The following BBS9 variants were observed in gnomAD, a reference collection of about 807,000 sequenced individuals.
BBS9 encodes protein PTHB1.
In BBS9, 89 loss-of-function variants were observed where a neutral mutation model predicts 117.7. That is an observed-to-expected ratio of 0.76 (90% confidence interval 0.64 to 0.90). BBS9 has a LOEUF of 0.90. Among genes scored for constraint, BBS9 ranks in the 40% least tolerant of loss-of-function variants. The pLI, the probability that BBS9 is intolerant of heterozygous loss-of-function variation, is 0.00. For synonymous variants in BBS9, 379 were observed against 370.9 expected, an observed-to-expected ratio of 1.02 and a Z score of -0.25; for missense variants, 982 against 1,042.2, an observed-to-expected ratio of 0.94 and a Z score of 0.80.
chr7:33,401,983 TTAAA>T (rs1407128073), intron 19 of BBS9, among the ~76,000 whole-genome samples: 2 of 152,186 alleles, frequency 1.3e-5, no homozygotes, highest in Non-Finnish European at 2.9e-5. Flanking sequence ...TTATATAGAG[TTAAA>T]TAAAACCTCT....
intron 15 of BBS9, among the ~76,000 whole-genome samples, chr7:33,353,716 G>A (rs1298720834): frequency 6.6e-6 from 1 of 152,010 alleles, no homozygotes; most frequent in Non-Finnish European, 1.5e-5. Flanking sequence ...ATGACTTAAA[G>A]ATTGTGGCAA....
intron 19 of BBS9, among the ~76,000 whole-genome samples, chr7:33,467,770 T>A (rs1840401289): frequency 6.6e-6 from 1 of 152,260 alleles, no homozygotes; most frequent in Middle Eastern, 3.4e-3. Context: ...GATCTTTTAG[T>A]GTGTAGAAAT....
chr7:33,168,268 A>T (rs1330419030), intron 4 of BBS9, among the ~76,000 whole-genome samples: 1 of 152,182 alleles, frequency 6.6e-6, no homozygotes, highest in African/African-American at 2.4e-5. Flanking sequence ...CTTGACCAAG[A>T]TAGGATCACA....
At chr7:33,198,441 A>G (rs1203452143) in intron 5 of BBS9, among the ~76,000 whole-genome samples, 3 of 152,142 alleles carry the variant, frequency 2.0e-5, no homozygotes, top group Non-Finnish European at 4.4e-5. Context: ...TTAACAATCT[A>G]TCATCTTTCA....
At chr7:33,400,211 TTC>T (rs1340863148) in intron 19 of BBS9, among the ~76,000 whole-genome samples, 6 of 139,376 alleles carry the variant, frequency 4.3e-5, no homozygotes, top group African/African-American at 1.6e-4. Context: ...TAAAATTTTG[TTC>T]TGTTTGTTGT....
intron 4 of BBS9, chr7:33,157,630 G>A (rs1794285678): frequency 6.6e-6 from 1 of 152,154 alleles, no homozygotes; most frequent in African/African-American, 2.4e-5. Context: ...CACAGGGGAA[G>A]CACAAACATT....
chr7:33,278,406 C>T lies in BBS9; in HGVS notation c.1016+4450C>T, dbSNP rs139160153. ...TTAATATTCTCACCCACAGTTTTAG[C>T]ATAGCACTTAAGTGAACCACAGACT... On this transcript the variant is annotated intron_variant, in intron 9 of 22. Coordinates refer to ENST00000242067, the MANE Select transcript of BBS9 (RefSeq NM_198428.3). Among the ~76,000 whole-genome samples the T allele has an allele frequency of 3.3e-3, 502 of 152,234 alleles. 2 individuals are homozygous for T. The highest frequency in any genetic ancestry group is 0.012 in the African/African-American group (481 of 41,530).
At chr7:33,214,798 A>G (rs551139306) in intron 5 of BBS9, among the ~76,000 whole-genome samples, 2 of 152,342 alleles carry the variant, frequency 1.3e-5, no homozygotes, top group African/African-American at 4.8e-5. Context: ...ACTTAGTTCA[A>G]TCCCTGTCAA....
At chr7:33,501,278 G>T (rs778994788) in intron 19 of BBS9, among the ~76,000 whole-genome samples, 23 of 152,162 alleles carry the variant, frequency 1.5e-4, no homozygotes, top group Non-Finnish European at 2.6e-4. Flanking sequence ...CTCTTGTGGG[G>T]AACACAGTAA....
intron 21 of BBS9, among the ~76,000 whole-genome samples, chr7:33,595,283 G>A (rs928053707): frequency 4.6e-5 from 7 of 152,088 alleles, no homozygotes; most frequent in Non-Finnish European, 1.0e-4. Flanking sequence ...GAAAATTTTT[G>A]CAATCTACCC....
At chr7:33,406,327 G>C (rs540955478) in intron 19 of BBS9, among the ~76,000 whole-genome samples, 12 of 152,268 alleles carry the variant, frequency 7.9e-5, no homozygotes, top group African/African-American at 2.4e-4. Flanking sequence ...TGTTGATTTG[G>C]GGTGGAGAGT....
In BBS9 at chr7:33,415,857, T is replaced by C. The variant is rs151229724; in HGVS notation, c.2115+27713T>C. ...AATTAAGAAAAAAAATTTTTTGAGA[T>C]AGGGTCTCATTCTGCCACCCAGGCT... On this transcript the variant is annotated intron_variant, in intron 19 of 22. Coordinates refer to ENST00000242067, the MANE Select transcript of BBS9 (RefSeq NM_198428.3). Among the ~76,000 whole-genome samples, 1,106 of 152,232 alleles carry C rather than the reference T, an allele frequency of 7.3e-3. 14 individuals are homozygous for C. Among genetic ancestry groups the C allele is most frequent in the African/African-American group, 0.024 (1,012 of 41,548 alleles).
At chr7:33,229,130 A>C (rs1471185741) in intron 5 of BBS9, among the ~76,000 whole-genome samples, 1 of 152,168 alleles carries the variant, frequency 6.6e-6, no homozygotes, top group African/African-American at 2.4e-5. Flanking sequence ...AAAGATTACT[A>C]TAGTGAAACA....
chr7:33,394,888 A>G (rs930187621), intron 19 of BBS9, among the ~76,000 whole-genome samples: 2 of 152,208 alleles, frequency 1.3e-5, no homozygotes, highest in African/African-American at 4.8e-5. Context: ...TATTGTTTAT[A>G]GAGGAAGAAC....
intron 4 of BBS9, among the ~76,000 whole-genome samples, chr7:33,172,817 A>G (rs986156923): frequency 1.3e-5 from 2 of 152,196 alleles, no homozygotes; most frequent in Non-Finnish European, 2.9e-5. Context: ...ATATTGTATC[A>G]TCATTTGTCT....
At chr7:33,222,092 T>A (rs1363226936) in intron 5 of BBS9, among the ~76,000 whole-genome samples, 1 of 152,212 alleles carries the variant, frequency 6.6e-6, no homozygotes, top group Non-Finnish European at 1.5e-5. Context: ...GTTTGAATAT[T>A]TTTTGGCTTC....
chr7:33,409,258 A>G (rs1397764748), intron 19 of BBS9, among the ~76,000 whole-genome samples: 1 of 152,118 alleles, frequency 6.6e-6, no homozygotes, highest in African/African-American at 2.4e-5. Flanking sequence ...TGTATTTCCT[A>G]TCTTTTCTTC....
chr7:33,592,083 A>T (rs1862016581), intron 21 of BBS9, among the ~76,000 whole-genome samples: 1 of 151,990 alleles, frequency 6.6e-6, no homozygotes, highest in Admixed American at 6.6e-5. Flanking sequence ...TGGTCTACTT[A>T]CTCCATCCTC....
chr7:33,417,163 A>G (rs1273870195), intron 19 of BBS9, among the ~76,000 whole-genome samples: 3 of 152,160 alleles, frequency 2.0e-5, no homozygotes, highest in Non-Finnish European at 2.9e-5. Flanking sequence ...TATTGTGAAT[A>G]TTATCTTAGG....
Sources: allele counts gnomAD v4.1 joint callset (sites outside exome capture counted in the v4.1 genomes callset), GRCh38; gene constraint gnomAD v4.1.1; transcripts MANE v1.5; gene names NCBI Gene and HGNC (gene_info 2026-07-23, HGNC 2026-07-21).